GTF3C1: variants seen among roughly 807,000 people sequenced by gnomAD.
GTF3C1 encodes general transcription factor IIIC subunit 1.
A neutral mutation model predicts 226.7 loss-of-function variants in GTF3C1; 57 were observed. The ratio of observed to expected loss-of-function variants is 0.25; its 90% CI spans 0.20 to 0.31. The LOEUF (loss-of-function observed/expected upper bound fraction) is 0.31. GTF3C1 is among the 10% of genes least tolerant of loss of function. The probability of loss-of-function intolerance (pLI) is 1.00; values close to 1 mark genes in which losing one functional copy is unlikely to be tolerated. For missense variants in GTF3C1, 2,217 were observed against 2,776.1 expected (o/e 0.80, Z 4.53); for synonymous variants, 1,090 against 1,084.8 (o/e 1.00, Z -0.09).
intron 6 of GTF3C1, among the ~76,000 whole-genome samples, chr16:27,517,964 C>T (rs551047541): frequency 6.6e-6 from 1 of 152,162 alleles, no homozygotes. Flanking sequence ...TGAGGCGGAA[C>T]CAAGAGTCTG....
chr16:27,516,654 T>C (rs2088663111), intron 6 of GTF3C1, among the ~76,000 whole-genome samples: 1 of 152,230 alleles, frequency 6.6e-6, no homozygotes, highest in Admixed American at 6.5e-5. Context: ...TATATATTTT[T>C]CTTTTGAGAC....
At chr16:27,523,576 G>A (rs552170381) in intron 6 of GTF3C1, among the ~76,000 whole-genome samples, 1 of 152,216 alleles carries the variant, frequency 6.6e-6, no homozygotes, top group South Asian at 2.1e-4. Flanking sequence ...CCTGCGCACG[G>A]AAAGTAACTG....
intron 32 of GTF3C1, among the ~76,000 whole-genome samples, chr16:27,467,480 G>A (rs2087801620): frequency 6.6e-6 from 1 of 152,214 alleles, no homozygotes; most frequent in Admixed American, 6.5e-5. Context: ...AGATGTTCAA[G>A]GAGATGAATG....
intron 19 of GTF3C1, among the ~76,000 whole-genome samples, chr16:27,491,801 G>A (rs867322827): frequency 1.3e-5 from 2 of 152,194 alleles, no homozygotes; most frequent in South Asian, 2.1e-4. Flanking sequence ...GCTTCAGCCT[G>A]TGTCACTGCC....
rs1455086438 is a variant in GTF3C1 at position 27,471,940 on chromosome 16, G to A, written c.4354-20C>T. 6.2e-7 allele frequency: 1 copy of A among 1,610,984 alleles called. No individual in the cohort carries two copies. The highest frequency in any genetic ancestry group is 1.3e-5 in the African/African-American group (1 of 74,858). On this transcript the variant is annotated intron_variant, in intron 29 of 36. Transcript: ENST00000356183. The surrounding 1 kb of genome is among the most constrained non-coding windows in gnomAD (Gnocchi z 5.0). ...GAAAGTCTGCAACACAGGGCGGCGA[G>A]GGTGAGTAGGGTTCTCCAGCCGGCC...
intron 7 of GTF3C1, among the ~76,000 whole-genome samples, chr16:27,509,674 C>T (rs1281360593): frequency 2.1e-5 from 3 of 145,444 alleles, no homozygotes; most frequent in African/African-American, 5.1e-5. Context: ...AGGAGAATGG[C>T]GTGAACTTGG....
At position 27,470,070 on chromosome 16, in the gene GTF3C1, C is replaced by T. The variant is rs112861463; in HGVS notation, c.4814+38G>A. 133 of 1,560,884 alleles carry T rather than the reference C, an allele frequency of 8.5e-5. 1 individual carries two copies. The highest frequency in any genetic ancestry group is 8.0e-4 in the African/African-American group (59 of 73,786). ...GTCTGTATCTGGCCAATGCCTAGCA[C>T]GTGGCCAGACCTGATGCTGCGGATG... On this transcript the variant is annotated intron_variant, in intron 31 of 36. Transcript: ENST00000356183. This position sits in a 1 kb window ranked among gnomAD's most constrained non-coding sequence, Gnocchi z 4.9.
In GTF3C1 at chr16:27,469,074, T is replaced by A. The variant is rs1278598010; in HGVS notation, c.5074+217A>T. On this transcript the variant is annotated intron_variant, in intron 32 of 36. Transcript: ENST00000356183. The surrounding 1 kb of genome is among the most constrained non-coding windows in gnomAD (Gnocchi z 4.5). ...GCACAGCTGTGACTAAAAGAGGCGG[T>A]GCGGGGAGCTTTCCCACAGAGGTGT... Among the ~76,000 whole-genome samples the A allele has an allele frequency of 6.6e-6, 1 of 152,158 alleles. No individual in the cohort carries two copies. The highest frequency in any genetic ancestry group is 1.5e-5 in the Non-Finnish European group (1 of 68,004).
intron 28 of GTF3C1, 123 bp from the exon 29 acceptor site, chr16:27,476,667 CAAAAG>C: frequency 1.6e-6 from 1 of 640,368 alleles, no homozygotes; most frequent in Non-Finnish European, 2.8e-6. Flanking sequence ...AAACTATTCA[CAAAAG>C]AAAACACAAT....
In GTF3C1 at chr16:27,521,152, G is replaced by A. The variant is rs564540467; in HGVS notation, c.973+7446C>T. On this transcript the variant is annotated intron_variant, in intron 6 of 36. Coordinates refer to ENST00000356183, the MANE Select transcript of GTF3C1 (RefSeq NM_001520.4). ...TTAAGGAGGCCACATCCGTCACTGAGAAACATCCAGTCCCTGCACTGGCCC... is the reference window on the plus strand; with the variant it reads ...TTAAGGAGGCCACATCCGTCACTGAAAAACATCCAGTCCCTGCACTGGCCC... Among the ~76,000 whole-genome samples, 6 of 152,344 alleles carry A rather than the reference G, an allele frequency of 3.9e-5. No homozygotes were observed. The East Asian group carries it at 1.2e-3, about 29-fold the overall frequency.
intron 25 of GTF3C1, chr16:27,483,327 A>C: frequency 3.0e-6 from 2 of 672,546 alleles, no homozygotes; most frequent in Non-Finnish European, 5.5e-6. Flanking sequence ...GTCTGTTCAC[A>C]CTTTACACCT....
chr16:27,528,796 A>G (rs1189546925), intron 5 of GTF3C1, 75 bp from the exon 6 acceptor site: 2 of 1,375,898 alleles, frequency 1.5e-6, no homozygotes, highest in East Asian at 4.6e-5. Context: ...CATATAAATG[A>G]ACACAAGTTC....
intron 24 of GTF3C1, among the ~76,000 whole-genome samples, chr16:27,485,153 G>A (rs1048117704): frequency 6.6e-6 from 1 of 152,250 alleles, no homozygotes; most frequent in Non-Finnish European, 1.5e-5. Context: ...GAGAACAGGG[G>A]ACAAGCGGTC....
At chr16:27,464,930 G>A (rs374523613) in intron 33 of GTF3C1, 94 bp from the exon 34 acceptor site, 11 of 1,096,810 alleles carry the variant, frequency 1.0e-5, no homozygotes, top group African/African-American at 7.9e-5. Flanking sequence ...CCTGACTGGC[G>A]GGTTGAGTGC....
intron 20 of GTF3C1, 101 bp from the exon 21 acceptor site, chr16:27,489,279 C>A: frequency 7.4e-7 from 1 of 1,354,368 alleles, no homozygotes; most frequent in Non-Finnish European, 1.0e-6. Context: ...AACCAACTTT[C>A]ACCTTTCCAG....
intron 4 of GTF3C1, among the ~76,000 whole-genome samples, chr16:27,535,058 A>G (rs1388923803): frequency 6.6e-6 from 1 of 152,196 alleles, no homozygotes; most frequent in African/African-American, 2.4e-5. Context: ...AAATATACAC[A>G]AATCTATTAT....
intron 6 of GTF3C1, among the ~76,000 whole-genome samples, chr16:27,524,718 C>T (rs1044401834): frequency 6.6e-6 from 1 of 152,234 alleles, no homozygotes; most frequent in African/African-American, 2.4e-5. Flanking sequence ...ACTAAGGTTC[C>T]TCCTTAGTTT....
chr16:27,515,516 C>T lies in GTF3C1; in HGVS notation c.974-3615G>A, dbSNP rs77653835. Among the ~76,000 whole-genome samples, 1,498 of 151,944 alleles carry T rather than the reference C, an allele frequency of 9.9e-3. 31 individuals are homozygous for T. Among genetic ancestry groups the T allele is most frequent in the African/African-American group, 0.034 (1,394 of 41,434 alleles). ...TCTTCTCCCCACCAAGTTGGTTCACCGTCCTCACCTCTCTACTAGTGGAGC... is the reference window on the plus strand; with the variant it reads ...TCTTCTCCCCACCAAGTTGGTTCACTGTCCTCACCTCTCTACTAGTGGAGC... On this transcript the variant is annotated intron_variant, in intron 6 of 36. Transcript: ENST00000356183.
At chr16:27,503,888 T>C (rs1199392678) in intron 10 of GTF3C1, among the ~76,000 whole-genome samples, 3 of 151,936 alleles carry the variant, frequency 2.0e-5, no homozygotes, top group Non-Finnish European at 2.9e-5. Context: ...CCCAAGGAGG[T>C]CACTCGGTGA....
Sources: gnomAD v4.1 joint callset for allele counts (sites outside exome capture counted in the v4.1 genomes callset) on GRCh38, gnomAD v4.1.1 for gene constraint, Gnocchi (gnomAD v3.1) non-coding constraint, MANE v1.5 for transcripts, NCBI Gene and HGNC (gene_info 2026-07-23, HGNC 2026-07-21) for gene names.